The following TENM3 variants were observed in gnomAD, a reference collection of about 807,000 sequenced individuals.
TENM3 encodes the protein teneurin transmembrane protein 3.
A neutral mutation model predicts 255.1 loss-of-function variants in TENM3; 63 were observed. The ratio of observed to expected loss-of-function variants is 0.25; its 90% CI spans 0.20 to 0.30. The LOEUF (loss-of-function observed/expected upper bound fraction) is 0.30, where lower values mean the gene tolerates loss of function less well. Ranked by LOEUF, TENM3 falls within the 10% of genes least tolerant of loss-of-function variation. The pLI, the probability that TENM3 is intolerant of heterozygous loss-of-function variation, is 1.00. For synonymous variants in TENM3, 1,306 were observed against 1,322.3 expected (o/e 0.99, Z 0.27); for missense variants, 2,929 against 3,461.1 (o/e 0.85, Z 3.86).
the TENM3 span, among the ~76,000 whole-genome samples, chr4:181,615,573 A>T: frequency 6.6e-6 from 1 of 152,220 alleles, no homozygotes; most frequent in Non-Finnish European, 1.5e-5. Context: ...GCAAAAACCA[A>T]AATTGAATGG....
chr4:182,416,476 A>G (rs924084637), intron 3 of TENM3, among the ~76,000 whole-genome samples: 59 of 150,220 alleles, frequency 3.9e-4, no homozygotes, highest in African/African-American at 1.4e-3. Flanking sequence ...AAGTTCTTTG[A>G]GTCAAGCAAT....
chr4:182,496,847 G>C (rs914352127), intron 3 of TENM3, among the ~76,000 whole-genome samples: 2 of 152,166 alleles, frequency 1.3e-5, no homozygotes, highest in African/African-American at 4.8e-5. Flanking sequence ...TTATGCAAAA[G>C]AAGTAGCTAA....
rs766457503 is a variant in TENM3 at position 182,688,219 on chromosome 4, C to A, written c.2089C>A (p.Arg697Ser). The A allele has an allele frequency of 1.2e-6, 2 of 1,613,848 alleles. No homozygotes were observed. Among genetic ancestry groups the A allele is most frequent in the Non-Finnish European group, 1.7e-6 (2 of 1,179,852 alleles). The change falls in exon 12 of 28, where the codon CGC becomes AGC. Residue 697 changes from arginine (R) to serine (S), a missense_variant. Arg to Ser is a moderately radical substitution (Grantham distance 110). Around this residue, in one of 6 missense-constraint regions of TENM3, gnomAD observed 1,608 missense variants for 1,884.4 expected, o/e 0.85. Transcript: ENST00000511685. ...CGGCGTTTGCATGGGGGGGACGTGT[C>A]GCTGTGAAGAAGGCTGGACGGGCCC... is the stretch of plus-strand genomic sequence containing the variant. ...SHGVCMGGTC[R>S]CEEGWTGPAC...
At position 182,210,381 on chromosome 4, in the gene TENM3, T is replaced by G. The variant is rs537375545; in HGVS notation, c.-76+65627T>G. Among the ~76,000 whole-genome samples, 12 of 152,318 alleles carry G rather than the reference T, an allele frequency of 7.9e-5. No homozygotes were observed. The South Asian group carries it at 2.5e-3, about 32-fold the overall frequency. ...ACTCAGTGGCCTTCCTGTTACTCTC[T>G]CCTCTCAAAGCCTGGAAGCCTTTAC... On this transcript the variant is annotated intron_variant, in intron 1 of 2. Transcript: ENST00000512480.
At chr4:182,229,241 C>T (rs982077985) in intron 1 of TENM3, among the ~76,000 whole-genome samples, 4 of 152,080 alleles carry the variant, frequency 2.6e-5, no homozygotes, top group African/African-American at 4.8e-5. Flanking sequence ...TATGTTGAGG[C>T]GAGGACTTGG....
intron 1 of TENM3, among the ~76,000 whole-genome samples, chr4:182,294,368 C>T (rs1257169975): frequency 6.6e-6 from 1 of 152,082 alleles, no homozygotes; most frequent in African/African-American, 2.4e-5. Context: ...ACTGTGGCTG[C>T]CCTGAAACAT....
intron 1 of TENM3, among the ~76,000 whole-genome samples, chr4:182,255,256 T>TA (rs1758313309): frequency 6.6e-6 from 1 of 152,130 alleles, no homozygotes; most frequent in Admixed American, 6.6e-5. Context: ...TTTGAGTCTA[T>TA]AGGAGTTCTG....
chr4:182,294,786 A>G (rs911479714), intron 1 of TENM3, among the ~76,000 whole-genome samples: 3 of 152,206 alleles, frequency 2.0e-5, no homozygotes, highest in African/African-American at 7.2e-5. Context: ...CAAACTAAAA[A>G]TGTGTGGGGT....
chr4:182,230,808 C>CAA (rs1277387195), intron 1 of TENM3, among the ~76,000 whole-genome samples: 1 of 92,762 alleles, frequency 1.1e-5, no homozygotes, highest in African/African-American at 4.1e-5. Context: ...TACAGTTTCT[C>CAA]AAACTATATA....
intron 3 of TENM3, among the ~76,000 whole-genome samples, chr4:182,530,737 T>C (rs1330773162): frequency 6.6e-6 from 1 of 152,108 alleles, no homozygotes; most frequent in Non-Finnish European, 1.5e-5. Flanking sequence ...AATGGATCTG[T>C]TTTGGAGGTA....
chr4:181,585,840 T>C, the TENM3 span, among the ~76,000 whole-genome samples: 1 of 152,180 alleles, frequency 6.6e-6, no homozygotes, highest in Non-Finnish European at 1.5e-5. Flanking sequence ...TTCCTATTAA[T>C]TTAAACAGGA....
chr4:182,139,541 A>G (rs1450141), upstream of TENM3, among the ~76,000 whole-genome samples: 117,921 of 152,122 alleles, frequency 0.78, 46,170 homozygotes, highest in East Asian at 0.91. Flanking sequence ...CGAGTACACT[A>G]TATACGCTTC....
At chr4:181,643,430 C>G in the TENM3 span, among the ~76,000 whole-genome samples, 16 of 152,188 alleles carry the variant, frequency 1.1e-4, no homozygotes, top group Admixed American at 5.2e-4. Flanking sequence ...ATCATGTCAT[C>G]TGCAAACAGA....
At chr4:181,952,600 G>A in the TENM3 span, among the ~76,000 whole-genome samples, 23 of 152,322 alleles carry the variant, frequency 1.5e-4, no homozygotes, top group African/African-American at 4.8e-4. Flanking sequence ...CCCATCCCAC[G>A]AACAACTCAG....
the TENM3 span, among the ~76,000 whole-genome samples, chr4:181,770,854 T>A: frequency 1.3e-5 from 2 of 152,320 alleles, no homozygotes; most frequent in African/African-American, 2.4e-5. Context: ...TAACATCAAA[T>A]ATCTATTGCA....
the TENM3 span, among the ~76,000 whole-genome samples, chr4:181,473,626 A>C: frequency 6.6e-6 from 1 of 151,940 alleles, no homozygotes; most frequent in African/African-American, 2.4e-5. Context: ...AATGAAAAAA[A>C]AAATCGTTCT....
the TENM3 span, among the ~76,000 whole-genome samples, chr4:182,105,085 C>T: frequency 2.8e-4 from 43 of 152,180 alleles, no homozygotes; most frequent in Middle Eastern, 3.4e-3. Context: ...TAGTGGTGCA[C>T]GCCAATAGTC....
chr4:182,101,315 GAAA>G, the TENM3 span, among the ~76,000 whole-genome samples: 3 of 128,028 alleles, frequency 2.3e-5, no homozygotes, highest in African/African-American at 9.2e-5. Context: ...GGGAAAGAAG[GAAA>G]GAATGGAGGG....
At chr4:181,907,644 A>G in the TENM3 span, among the ~76,000 whole-genome samples, 9 of 152,240 alleles carry the variant, frequency 5.9e-5, no homozygotes, top group South Asian at 1.2e-3. Flanking sequence ...ATCCTAAGGA[A>G]GGAAGGAAAG....
Sources: gnomAD v4.1 joint callset for allele counts (sites outside exome capture counted in the v4.1 genomes callset) on GRCh38, gnomAD v4.1.1 for gene constraint, gnomAD v4.1.1 regional missense constraint, MANE v1.5 for transcripts, NCBI Gene and HGNC (gene_info 2026-07-23, HGNC 2026-07-21) for gene names.